The following ROBO1 variants were observed in gnomAD, a reference collection of about 807,000 sequenced individuals.
ROBO1 encodes roundabout guidance receptor 1.
In ROBO1, 149 loss-of-function variants were observed where a neutral mutation model predicts 195.9. That is an observed-to-expected ratio of 0.76 (90% CI 0.67 to 0.87). ROBO1 has a LOEUF of 0.87. Ranked by LOEUF, ROBO1 falls within the 40% of genes least tolerant of loss-of-function variation. ROBO1 has a pLI of 0.00. For synonymous variants in ROBO1, 816 were observed against 733.2 expected (o/e 1.11, Z -1.82); for missense variants, 1,933 against 2,068.3 (o/e 0.93, Z 1.27).
intron 4 of ROBO1, among the ~76,000 whole-genome samples, chr3:78,934,575 T>C (rs1247965717): frequency 6.6e-6 from 1 of 151,900 alleles, no homozygotes; most frequent in African/African-American, 2.4e-5. Context: ...CACATACATA[T>C]ATTTATATAT....
chr3:79,620,742 T>G (rs915296604), intron 1 of ROBO1, among the ~76,000 whole-genome samples: 3 of 152,006 alleles, frequency 2.0e-5, no homozygotes, highest in Non-Finnish European at 4.4e-5. Flanking sequence ...CAATTGATCA[T>G]GCACCCCTTA....
Position 79,696,778 on chromosome 3 carries a change from A to C in ROBO1, c.-51+70974T>G, listed in dbSNP as rs144422950. 5.8e-4 allele frequency among the ~76,000 whole-genome samples: 88 copies of C among 151,628 alleles called. No homozygotes were observed. In the East Asian group the frequency reaches 0.016, roughly 28 times the overall value. On this transcript the variant is annotated intron_variant, in intron 1 of 30. Coordinates refer to ENST00000464233, the MANE Select transcript of ROBO1 (RefSeq NM_002941.4). ...AGACTGTCATCACTTCAAAAATGAC[A>C]GTGAAAAAAGTGGCAATTGTATTAG...
At chr3:79,217,764 C>A (rs1427670470) in intron 2 of ROBO1, among the ~76,000 whole-genome samples, 1 of 151,720 alleles carries the variant, frequency 6.6e-6, no homozygotes, top group Non-Finnish European at 1.5e-5. Flanking sequence ...AAATTTGGAG[C>A]TTAAAATAAA....
chr3:79,205,230 G>T (rs1208931431), intron 2 of ROBO1, among the ~76,000 whole-genome samples: 1 of 152,134 alleles, frequency 6.6e-6, no homozygotes, highest in Non-Finnish European at 1.5e-5. Flanking sequence ...CTGTCCTCAA[G>T]TGATCTGCCT....
chr3:79,677,864 G>A (rs182462642), intron 1 of ROBO1, among the ~76,000 whole-genome samples: 28 of 152,152 alleles, frequency 1.8e-4, no homozygotes, highest in African/African-American at 6.7e-4. Flanking sequence ...TGCTTCCTGT[G>A]GGATCCTAAG....
At chr3:78,862,887 C>T (rs1196642585) in intron 4 of ROBO1, among the ~76,000 whole-genome samples, 2 of 152,256 alleles carry the variant, frequency 1.3e-5, no homozygotes, top group Non-Finnish European at 2.9e-5. Context: ...AATTCCCCTC[C>T]ATACTTTCTC....
At chr3:78,961,386 G>A (rs1456163221) in intron 3 of ROBO1, among the ~76,000 whole-genome samples, 1 of 152,182 alleles carries the variant, frequency 6.6e-6, no homozygotes, top group African/African-American at 2.4e-5. Flanking sequence ...ACAGTTAGCT[G>A]CACTGATGTG....
intron 3 of ROBO1, among the ~76,000 whole-genome samples, chr3:79,052,274 G>A (rs867404507): frequency 3.9e-5 from 6 of 152,134 alleles, no homozygotes; most frequent in South Asian, 2.1e-4. Context: ...ATACGCCCTC[G>A]TCTCCTGCAG....
chr3:79,482,621 A>G (rs1192624021), intron 2 of ROBO1, among the ~76,000 whole-genome samples: 1 of 152,192 alleles, frequency 6.6e-6, no homozygotes, highest in African/African-American at 2.4e-5. Flanking sequence ...GCAGCATAAA[A>G]ACAACTAATA....
intron 4 of ROBO1, among the ~76,000 whole-genome samples, chr3:78,906,440 A>G (rs968307043): frequency 6.6e-6 from 1 of 152,254 alleles, no homozygotes; most frequent in Non-Finnish European, 1.5e-5. Flanking sequence ...ATGTTTGCCC[A>G]GTTAAGTAAA....
chr3:79,259,409 G>GGA (rs1283921651), intron 2 of ROBO1, among the ~76,000 whole-genome samples: 4 of 151,496 alleles, frequency 2.6e-5, no homozygotes, highest in African/African-American at 9.7e-5. Context: ...CATAGTGCTG[G>GGA]GATTACAGGT....
At chr3:79,757,218 T>G (rs982762681) in intron 1 of ROBO1, among the ~76,000 whole-genome samples, 1 of 152,176 alleles carries the variant, frequency 6.6e-6, no homozygotes, top group Non-Finnish European at 1.5e-5. Context: ...TATGTTTAAT[T>G]TTTTTAGGAA....
intron 25 of ROBO1, among the ~76,000 whole-genome samples, chr3:78,628,098 T>C (rs1704932753): frequency 1.3e-5 from 2 of 152,058 alleles, no homozygotes; most frequent in Non-Finnish European, 2.9e-5. Flanking sequence ...GGATTACAGG[T>C]GCTCATCACC....
chr3:79,688,650 C>T (rs1380784055), intron 1 of ROBO1, among the ~76,000 whole-genome samples: 1 of 152,008 alleles, frequency 6.6e-6, no homozygotes, highest in Non-Finnish European at 1.5e-5. Flanking sequence ...GTTTACCAAA[C>T]AGCAACTCTA....
At chr3:79,240,952 A>G (rs1206600479) in intron 2 of ROBO1, among the ~76,000 whole-genome samples, 1 of 152,086 alleles carries the variant, frequency 6.6e-6, no homozygotes, top group Non-Finnish European at 1.5e-5. Context: ...TCATTTTTTT[A>G]ACTTTGAAAA....
intron 10 of ROBO1, among the ~76,000 whole-genome samples, chr3:78,681,700 CAA>C (rs2080914859): frequency 1.3e-5 from 2 of 152,150 alleles, no homozygotes; most frequent in South Asian, 4.1e-4. Context: ...GTCAGGAGAT[CAA>C]GACCATCCTG....
intron 2 of ROBO1, among the ~76,000 whole-genome samples, chr3:79,464,497 T>C (rs1937841757): frequency 1.3e-5 from 2 of 152,178 alleles, no homozygotes; most frequent in East Asian, 1.9e-4. Flanking sequence ...GGGTTTGGAA[T>C]TGCAATTCCC....
intron 2 of ROBO1, among the ~76,000 whole-genome samples, chr3:79,372,038 GAGAATCTAGTGC>G (rs2036213801): frequency 6.6e-6 from 1 of 152,024 alleles, no homozygotes; most frequent in Non-Finnish European, 1.5e-5. Flanking sequence ...GTGCTCCTAT[GAGAATCTAGTGC>G]CGCAGCTGAT....
intron 17 of ROBO1, among the ~76,000 whole-genome samples, chr3:78,657,496 C>G (rs3732662): frequency 0.25 from 38,627 of 152,046 alleles, 5,102 homozygotes; most frequent in African/African-American, 0.32. Flanking sequence ...TTCTCATATA[C>G]TTTTAAAAGG....
Sources: allele counts gnomAD v4.1 joint callset (sites outside exome capture counted in the v4.1 genomes callset), GRCh38; gene constraint gnomAD v4.1.1; transcripts MANE v1.5; gene names NCBI Gene and HGNC (gene_info 2026-07-23, HGNC 2026-07-21).